The following NRXN1 variants were observed in gnomAD, a reference collection of about 807,000 sequenced individuals.
The protein encoded by NRXN1 is neurexin-1.
In NRXN1, 39 loss-of-function variants were observed where a neutral mutation model predicts 150.9. That is an observed-to-expected ratio of 0.26 (90% CI 0.20 to 0.34). The LOEUF (loss-of-function observed/expected upper bound fraction) is 0.34. Among genes scored for constraint, NRXN1 ranks in the 10% least tolerant of loss-of-function variants. The pLI is 1.00. For synonymous variants in NRXN1, 924 were observed against 757.0 expected, an observed-to-expected ratio of 1.22 and a Z score of -3.62; for missense variants, 1,815 against 1,949.9, an observed-to-expected ratio of 0.93 and a Z score of 1.30.
intron 18 of NRXN1, among the ~76,000 whole-genome samples, chr2:50,177,098 AAGTT>A (rs2152806711): frequency 6.6e-6 from 1 of 152,304 alleles, no homozygotes; most frequent in South Asian, 2.1e-4. Context: ...ATTTACTTGA[AAGTT>A]AGAGTTTTAG....
intron 5 of NRXN1, among the ~76,000 whole-genome samples, chr2:50,888,464 T>C (rs1028726813): frequency 6.6e-6 from 1 of 151,502 alleles, no homozygotes; most frequent in Non-Finnish European, 1.5e-5. Flanking sequence ...GGGAGGACCA[T>C]AAAATTAGCC....
At chr2:50,010,208 C>T (rs1421841887) in intron 21 of NRXN1, among the ~76,000 whole-genome samples, 2 of 151,786 alleles carry the variant, frequency 1.3e-5, no homozygotes, top group Admixed American at 6.6e-5. Context: ...ATGAAACAGA[C>T]TCAATAAGAA....
At chr2:50,709,390 C>T (rs1016973491) in intron 5 of NRXN1, among the ~76,000 whole-genome samples, 17 of 151,988 alleles carry the variant, frequency 1.1e-4, no homozygotes, top group Admixed American at 2.6e-4. Flanking sequence ...AATAGAAATA[C>T]ACAGTGTTAT....
chr2:50,106,180 G>C (rs1348400326), intron 18 of NRXN1, among the ~76,000 whole-genome samples: 1 of 149,728 alleles, frequency 6.7e-6, no homozygotes, highest in East Asian at 1.9e-4. Flanking sequence ...TTTTATCTTA[G>C]TTGTTTGAAA....
At chr2:50,892,073 A>C (rs968478418) in intron 5 of NRXN1, among the ~76,000 whole-genome samples, 3 of 152,090 alleles carry the variant, frequency 2.0e-5, no homozygotes, top group African/African-American at 7.2e-5. Flanking sequence ...GAAAGAAAGG[A>C]AAGAGGATAG....
In NRXN1 at chr2:50,091,390, G is replaced by A. The variant is rs759349308; in HGVS notation, c.3651C>T (p.Phe1217=). 3 of 1,614,208 alleles carry A rather than the reference G, an allele frequency of 1.9e-6. No homozygotes were observed. The highest frequency in any genetic ancestry group is 1.1e-5 in the South Asian group (1 of 91,086). The part of the protein sequence containing the change: ...INDGKYHVVR[F]TRSGGNATLQ... ...ACGTGGCATTGCCACCACTCCTCGT[G>A]AAACGAACTACATGGTATTTCCCAT... Residue 1217 remains phenylalanine, a synonymous_variant, in exon 19 of 23, where the codon TTC becomes TTT. Transcript: ENST00000401669.
At chr2:50,840,896 C>T (rs1032529748) in intron 5 of NRXN1, among the ~76,000 whole-genome samples, 3 of 152,036 alleles carry the variant, frequency 2.0e-5, no homozygotes, top group African/African-American at 7.2e-5. Context: ...GAAGAAGATG[C>T]CTTCACCTCA....
intron 21 of NRXN1, among the ~76,000 whole-genome samples, chr2:49,997,208 C>T (rs967818321): frequency 2.3e-4 from 35 of 151,966 alleles, no homozygotes; most frequent in African/African-American, 7.5e-4. Flanking sequence ...AAGATAAGAG[C>T]GCATATCTCT....
At chr2:50,286,357 A>G (rs925371477) in intron 17 of NRXN1, among the ~76,000 whole-genome samples, 2 of 152,000 alleles carry the variant, frequency 1.3e-5, no homozygotes, top group African/African-American at 4.8e-5. Context: ...CTTTTTTCGA[A>G]TCAACATATG....
At position 50,465,425 on chromosome 2, in the gene NRXN1, C is replaced by G. The variant is rs936799217; in HGVS notation, c.3364+17G>C. 2 of 1,600,374 alleles carry G rather than the reference C, an allele frequency of 1.2e-6. No individual in the cohort carries two copies. Among genetic ancestry groups the G allele is most frequent in the Non-Finnish European group, 8.5e-7 (1 of 1,172,482 alleles). On this transcript the variant is annotated intron_variant, in intron 17 of 22. Coordinates refer to ENST00000401669, the MANE Select transcript of NRXN1 (RefSeq NM_001330078.2). The stretch of plus-strand genomic sequence containing the variant: ...AAGCAACGATGAGTATCAGTCCATA[C>G]TCAGAGAGGTACTTACGGTCATTGC...
chr2:50,254,682 AAT>A (rs1200490875), intron 17 of NRXN1, among the ~76,000 whole-genome samples: 2 of 152,210 alleles, frequency 1.3e-5, no homozygotes, highest in African/African-American at 4.8e-5. Context: ...CAGCAAAAGA[AAT>A]AAAAAAATAT....
rs1057518563 is a variant in NRXN1, at chr2:51,028,124, G to A, written c.150C>T (p.Cys50=). 1 of 1,568,448 alleles carries A rather than the reference G, an allele frequency of 6.4e-7. No homozygotes were observed. The highest frequency in any genetic ancestry group is 8.6e-7 in the Non-Finnish European group (1 of 1,159,736). ...WTRFPKWNAC[C]ESEMSFQLKT... ...TGAGCTGGAAGCTCATCTCGCTCTC[G>A]CAGCAGGCGTTCCACTTGGGGAAGC... Residue 50 remains cysteine, a synonymous_variant, in exon 2 of 23, where the codon TGC becomes TGT. Coordinates refer to ENST00000401669, the MANE Select transcript of NRXN1 (RefSeq NM_001330078.2).
At chr2:50,752,730 T>C (rs1420874217) in intron 5 of NRXN1, among the ~76,000 whole-genome samples, 1 of 151,952 alleles carries the variant, frequency 6.6e-6, no homozygotes, top group African/African-American at 2.4e-5. Context: ...TGTCAGGTTT[T>C]TCCAAGGCAT....
intron 5 of NRXN1, among the ~76,000 whole-genome samples, chr2:50,813,203 A>C (rs1668471738): frequency 6.6e-6 from 1 of 151,762 alleles, no homozygotes; most frequent in Non-Finnish European, 1.5e-5. Context: ...AAAAAAAAAA[A>C]GATATTAATG....
chr2:50,264,474 G>A (rs763012260), intron 17 of NRXN1, among the ~76,000 whole-genome samples: 28 of 152,114 alleles, frequency 1.8e-4, no homozygotes, highest in Non-Finnish European at 3.2e-4. Flanking sequence ...GGTCAGATGG[G>A]TAGAGAAACA....
chr2:50,299,572 T>C (rs1474079), intron 17 of NRXN1, among the ~76,000 whole-genome samples: 8,443 of 152,244 alleles, frequency 0.055, 806 homozygotes, highest in African/African-American at 0.19. Context: ...ATCTTTATTG[T>C]ATTAAAATTT....
intron 8 of NRXN1, among the ~76,000 whole-genome samples, chr2:50,576,146 A>G (rs866846976): frequency 1.3e-5 from 2 of 152,196 alleles, no homozygotes; most frequent in Admixed American, 6.5e-5. Flanking sequence ...TTTTCAGAAA[A>G]GTCTTTATTT....
intron 17 of NRXN1, among the ~76,000 whole-genome samples, chr2:50,443,679 C>A (rs375384384): frequency 1.3e-5 from 2 of 152,094 alleles, no homozygotes; most frequent in African/African-American, 2.4e-5. Flanking sequence ...TTAGAATGAC[C>A]AGTGAATGAT....
intron 5 of NRXN1, among the ~76,000 whole-genome samples, chr2:50,755,707 C>G (rs1701086496): frequency 6.6e-6 from 1 of 151,832 alleles, no homozygotes; most frequent in East Asian, 1.9e-4. Flanking sequence ...CAGACATACT[C>G]AAATTGGATC....
Sources: allele counts gnomAD v4.1 joint callset (sites outside exome capture counted in the v4.1 genomes callset), GRCh38; gene constraint gnomAD v4.1.1; transcripts MANE v1.5; gene names NCBI Gene and HGNC (gene_info 2026-07-23, HGNC 2026-07-21).